Variants in ADAM22 observed in about 807,000 individuals in gnomAD.
The protein encoded by ADAM22 is disintegrin and metalloproteinase domain-containing protein 22.
ADAM22 carries 65 observed loss-of-function variants against 144.6 expected under a neutral mutation model. The ratio of observed to expected loss-of-function variants is 0.45; its 90% CI spans 0.37 to 0.55. The LOEUF (loss-of-function observed/expected upper bound fraction) is 0.55, where lower values mean the gene tolerates loss of function less well. ADAM22 is among the 20% of genes least tolerant of loss of function. The pLI is 0.00. For missense variants in ADAM22, 974 were observed against 1,184.9 expected (o/e 0.82, Z 2.61); for synonymous variants, 391 against 412.6 (o/e 0.95, Z 0.63).
chr7:87,949,796 A>G (rs533057795), intron 2 of ADAM22, among the ~76,000 whole-genome samples: 2 of 150,706 alleles, frequency 1.3e-5, no homozygotes, highest in Middle Eastern at 3.2e-3. Flanking sequence ...CTAATCTAAA[A>G]TATTCATATT....
chr7:87,951,495 T>G (rs2131401890), intron 2 of ADAM22, among the ~76,000 whole-genome samples: 2 of 90,284 alleles, frequency 2.2e-5, no homozygotes, highest in East Asian at 2.4e-4. Flanking sequence ...GTTCCATTGA[T>G]CTATATCTGT....
At chr7:88,126,396 A>C (rs1009049110) in intron 8 of ADAM22, among the ~76,000 whole-genome samples, 2 of 152,042 alleles carry the variant, frequency 1.3e-5, no homozygotes, top group Admixed American at 6.6e-5. Context: ...ATAGATCTCT[A>C]GTAAGATCAA....
intron 2 of ADAM22, among the ~76,000 whole-genome samples, chr7:87,954,937 G>A (rs1226777532): frequency 5.9e-5 from 9 of 152,108 alleles, no homozygotes; most frequent in Non-Finnish European, 1.2e-4. Flanking sequence ...CGGCTCCTGA[G>A]GCTTCTGCAT....
chr7:87,992,140 G>A lies in ADAM22; in HGVS notation c.323+13728G>A, dbSNP rs1241265937. ...ATGAACAATCTTGCCTGGTTAAAGGGCTTCTGATAAAGCTTCATAGAAAAA... is the reference window on the plus strand; with the variant it reads ...ATGAACAATCTTGCCTGGTTAAAGGACTTCTGATAAAGCTTCATAGAAAAA... On this transcript the variant is annotated intron_variant, in intron 3 of 31. Transcript: ENST00000413139. 4.6e-5 allele frequency among the ~76,000 whole-genome samples: 7 copies of A among 152,172 alleles called. No individual in the cohort carries two copies. The East Asian group carries it at 1.2e-3, about 25-fold the overall frequency.
chr7:87,966,212 A>G (rs771468291), intron 2 of ADAM22, among the ~76,000 whole-genome samples: 1 of 152,076 alleles, frequency 6.6e-6, no homozygotes, highest in Middle Eastern at 3.2e-3. Flanking sequence ...AAGAGTATCC[A>G]TTTCCCAGGG....
rs35909431 is a variant in ADAM22, at chr7:88,019,857, ATGTGTGTGTGTGTG to A, written c.323+41479_323+41492del. On this transcript the variant is annotated intron_variant, in intron 3 of 31. Coordinates refer to ENST00000413139, the MANE Select transcript of ADAM22 (RefSeq NM_001324418.2). ...AGAGCGTGACTCTATCTCAAAAAAT[ATGTGTGTGTGTGTG>A]TGTGTGTGTGTGTGTGTGTGTGTGT... Among the ~76,000 whole-genome samples the A allele has an allele frequency of 7.4e-3, 1,028 of 139,050 alleles. 8 individuals carry two copies. Among genetic ancestry groups the A allele is most frequent in the East Asian group, 0.021 (101 of 4,704 alleles). 91.2% of individuals were successfully genotyped at this position (139,050 alleles called of 152,430 possible).
intron 25 of ADAM22, among the ~76,000 whole-genome samples, chr7:88,170,091 G>A (rs1200925289): frequency 2.6e-5 from 4 of 151,808 alleles, no homozygotes; most frequent in African/African-American, 9.7e-5. Flanking sequence ...TTTGAGATCT[G>A]TTCATTCCTC....
chr7:88,190,782 T>G (rs10272494), intron 30 of ADAM22, among the ~76,000 whole-genome samples: 104,749 of 151,898 alleles, frequency 0.69, 38,309 homozygotes, highest in East Asian at 0.91. Flanking sequence ...CCGTACCGTG[T>G]TCTCTACTCC....
chr7:87,977,087 G>A (rs1468016719), intron 2 of ADAM22, among the ~76,000 whole-genome samples: 1 of 152,110 alleles, frequency 6.6e-6, no homozygotes, highest in Non-Finnish European at 1.5e-5. Flanking sequence ...TGGTTCATGA[G>A]GCTGAGAGGT....
intron 3 of ADAM22, among the ~76,000 whole-genome samples, chr7:88,039,621 G>GTGTGTGTT (rs1554420751): frequency 2.7e-5 from 4 of 150,074 alleles, no homozygotes; most frequent in African/African-American, 9.8e-5. Flanking sequence ...ATGTGTGTGT[G>GTGTGTGTT]TGTGTGTCTG....
chr7:87,947,010 C>A (rs761388927), intron 2 of ADAM22, among the ~76,000 whole-genome samples: 6 of 152,088 alleles, frequency 3.9e-5, no homozygotes, highest in Non-Finnish European at 7.4e-5. Flanking sequence ...ATTGGATACT[C>A]ATGGACATCA....
intron 2 of ADAM22, among the ~76,000 whole-genome samples, chr7:87,976,870 CTT>C (rs753940558): frequency 7.7e-5 from 10 of 130,316 alleles, no homozygotes; most frequent in Admixed American, 7.3e-5. Context: ...TTTTTTATTT[CTT>C]TTTTTTTTTT....
intron 27 of ADAM22, among the ~76,000 whole-genome samples, chr7:88,179,778 GA>G (rs546621975): frequency 6.6e-6 from 1 of 151,988 alleles, no homozygotes; most frequent in Non-Finnish European, 1.5e-5. Flanking sequence ...TAAATGAAAA[GA>G]AGAAATAAAT....
chr7:88,017,248 T>C (rs1422531522), intron 3 of ADAM22, among the ~76,000 whole-genome samples: 1 of 152,172 alleles, frequency 6.6e-6, no homozygotes, highest in Non-Finnish European at 1.5e-5. Flanking sequence ...ATTGTATATT[T>C]TGAAAAATCC....
intron 22 of ADAM22, among the ~76,000 whole-genome samples, chr7:88,156,835 G>A (rs895725697): frequency 4.0e-5 from 6 of 151,368 alleles, no homozygotes; most frequent in Admixed American, 6.6e-5. Context: ...CAGTGGTACC[G>A]ATTTCCAGTC....
chr7:87,941,566 A>C (rs1379990548), intron 2 of ADAM22, among the ~76,000 whole-genome samples: 2 of 152,140 alleles, frequency 1.3e-5, no homozygotes. Flanking sequence ...TTTTGCCACC[A>C]ATCAGAACTT....
At chr7:87,957,379 A>G (rs1349611336) in intron 2 of ADAM22, among the ~76,000 whole-genome samples, 2 of 152,198 alleles carry the variant, frequency 1.3e-5, no homozygotes, top group East Asian at 1.9e-4. Context: ...AACATACAAA[A>G]TGGTAGATAG....
chr7:88,112,786 C>T (rs1826393456), intron 5 of ADAM22, among the ~76,000 whole-genome samples: 2 of 152,202 alleles, frequency 1.3e-5, no homozygotes, highest in South Asian at 4.1e-4. Flanking sequence ...TCAATCACTG[C>T]AGCCTTGAAC....
intron 22 of ADAM22, among the ~76,000 whole-genome samples, chr7:88,156,273 G>A (rs1839934545): frequency 6.6e-6 from 1 of 152,140 alleles, no homozygotes; most frequent in African/African-American, 2.4e-5. Context: ...ACAGAATTTG[G>A]AAAATGAATG....
Sources: gnomAD v4.1 joint callset for allele counts (sites outside exome capture counted in the v4.1 genomes callset) on GRCh38, gnomAD v4.1.1 for gene constraint, MANE v1.5 for transcripts, NCBI Gene and HGNC (gene_info 2026-07-23, HGNC 2026-07-21) for gene names.